GAD2: variants seen among roughly 807,000 people sequenced by gnomAD.
The protein encoded by GAD2 is 65 kDa glutamic acid decarboxylase.
Under a neutral mutation model 80.1 loss-of-function variants are expected in GAD2, and 22 were observed. The ratio of observed to expected loss-of-function variants is 0.27; its 90% CI spans 0.20 to 0.39. The LOEUF (loss-of-function observed/expected upper bound fraction) is 0.39. Ranked by LOEUF, GAD2 falls within the 10% of genes least tolerant of loss-of-function variation. GAD2 has a pLI of 1.00. For synonymous variants in GAD2, 274 were observed against 256.9 expected, an observed-to-expected ratio of 1.07 and a Z score of -0.64; for missense variants, 624 against 738.4, an observed-to-expected ratio of 0.85 and a Z score of 1.80.
chr10:26,271,298 T>G (rs1238094498), intron 10 of GAD2, among the ~76,000 whole-genome samples: 1 of 152,164 alleles, frequency 6.6e-6, no homozygotes, highest in Admixed American at 6.5e-5. Flanking sequence ...GAAGATAGAT[T>G]ATATTTGAAA....
chr10:26,276,249 A>G (rs1314891232), intron 11 of GAD2, among the ~76,000 whole-genome samples: 2 of 152,126 alleles, frequency 1.3e-5, no homozygotes, highest in African/African-American at 4.8e-5. Flanking sequence ...GAACCAACCA[A>G]ATTCTCAGAA....
intron 7 of GAD2, among the ~76,000 whole-genome samples, chr10:26,240,037 G>C (rs752211119): frequency 3.9e-5 from 6 of 152,198 alleles, no homozygotes; most frequent in Non-Finnish European, 8.8e-5. Context: ...TTAAATATTT[G>C]GATGAAATCA....
intron 11 of GAD2, among the ~76,000 whole-genome samples, chr10:26,275,716 G>A (rs1055394272): frequency 3.3e-5 from 5 of 152,334 alleles, no homozygotes; most frequent in South Asian, 2.1e-4. Context: ...AAAGAAATGT[G>A]TCTCACTTAG....
At chr10:26,264,527 G>T (rs1025956257) in intron 8 of GAD2, among the ~76,000 whole-genome samples, 1 of 151,968 alleles carries the variant, frequency 6.6e-6, no homozygotes, top group Non-Finnish European at 1.5e-5. Flanking sequence ...AGCCAGGATG[G>T]TCTCGATCTC....
intron 8 of GAD2, among the ~76,000 whole-genome samples, chr10:26,258,615 C>T (rs1479517226): frequency 6.6e-6 from 1 of 152,188 alleles, no homozygotes; most frequent in Admixed American, 6.5e-5. Context: ...GTACCTCACT[C>T]ACATGAATGG....
chr10:26,226,461 G>A (rs1277349474), intron 6 of GAD2, among the ~76,000 whole-genome samples: 1 of 152,218 alleles, frequency 6.6e-6, no homozygotes, highest in African/African-American at 2.4e-5. Context: ...GTGCAGTGCA[G>A]ACATTGCAAA....
chr10:26,296,733 A>G (rs1386194317), intron 15 of GAD2, among the ~76,000 whole-genome samples: 1 of 151,906 alleles, frequency 6.6e-6, no homozygotes, highest in East Asian at 1.9e-4. Context: ...TTTATTCTTG[A>G]TCATTATCTG....
chr10:26,269,597 A>G (rs1845111083), intron 9 of GAD2, among the ~76,000 whole-genome samples: 1 of 152,198 alleles, frequency 6.6e-6, no homozygotes. Flanking sequence ...CAGACGTCTT[A>G]TTTTGCAGGA....
At chr10:26,260,247 T>G (rs1373726870) in intron 8 of GAD2, among the ~76,000 whole-genome samples, 1 of 152,236 alleles carries the variant, frequency 6.6e-6, no homozygotes, top group African/African-American at 2.4e-5. Context: ...TGTTAAACAT[T>G]AAGTTGCTTT....
chr10:26,233,445 C>T (rs889320710), intron 7 of GAD2, among the ~76,000 whole-genome samples: 18 of 152,118 alleles, frequency 1.2e-4, no homozygotes, highest in African/African-American at 2.9e-4. Flanking sequence ...CATTTAAAGC[C>T]GTCCTGCATC....
rs1267097423 is a variant in GAD2 at position 26,224,520 on chromosome 10, G to A, written c.612-19G>A. 2 of 1,380,164 alleles carry A rather than the reference G, an allele frequency of 1.4e-6. No homozygotes were observed. The highest frequency in any genetic ancestry group is 2.3e-5 in the South Asian group (2 of 86,194). The allele number at this position is 1,380,164 out of a possible 1,614,324, so 85.5% of individuals were successfully genotyped here. ...TATCTGAGTTACAGAGGTAAAATGT[G>A]GCCATTACTACATTTCAGGTTCACC... On this transcript the variant is annotated intron_variant, in intron 5 of 15. Coordinates refer to ENST00000376261, the MANE Select transcript of GAD2 (RefSeq NM_001134366.2).
At chr10:26,263,568 A>C (rs1845033709) in intron 8 of GAD2, among the ~76,000 whole-genome samples, 2 of 152,314 alleles carry the variant, frequency 1.3e-5, no homozygotes, top group South Asian at 4.1e-4. Context: ...TTTTTCCCCA[A>C]GTCAGTCTAT....
At chr10:26,276,075 A>G (rs1395362979) in intron 11 of GAD2, among the ~76,000 whole-genome samples, 1 of 152,132 alleles carries the variant, frequency 6.6e-6, no homozygotes, top group East Asian at 1.9e-4. Flanking sequence ...GTGAGGCAGG[A>G]GGATCACTGG....
intron 10 of GAD2, among the ~76,000 whole-genome samples, chr10:26,272,044 G>C (rs947480324): frequency 6.6e-6 from 1 of 152,208 alleles, no homozygotes; most frequent in East Asian, 1.9e-4. Flanking sequence ...ACAGGCAGGA[G>C]CCACCACACC....
chr10:26,273,599 A>G (rs1231105716), intron 10 of GAD2, 37 bp from the exon 11 acceptor site: 8 of 1,573,516 alleles, frequency 5.1e-6, no homozygotes, highest in African/African-American at 1.4e-5. Flanking sequence ...AGGCAATGAC[A>G]AACTGCTACC....
At chr10:26,228,566 C>T (rs1317046782) in intron 6 of GAD2, among the ~76,000 whole-genome samples, 2 of 152,118 alleles carry the variant, frequency 1.3e-5, no homozygotes, top group Non-Finnish European at 2.9e-5. Flanking sequence ...TACAGGTCTG[C>T]GGTCTATTAG....
At chr10:26,253,192 G>C (rs527995420) in intron 8 of GAD2, among the ~76,000 whole-genome samples, 1 of 152,226 alleles carries the variant, frequency 6.6e-6, no homozygotes, top group East Asian at 1.9e-4. Context: ...TTGATGTGAA[G>C]CATTATAACT....
intron 8 of GAD2, among the ~76,000 whole-genome samples, chr10:26,248,987 G>A (rs1024130525): frequency 6.6e-6 from 1 of 151,784 alleles, no homozygotes; most frequent in Non-Finnish European, 1.5e-5. Flanking sequence ...GCCAGTAGGA[G>A]GCCCTAGCAA....
At chr10:26,229,877 C>A (rs1421286701) in intron 7 of GAD2, 100 bp downstream of exon 7, 2 of 813,818 alleles carry the variant, frequency 2.5e-6, no homozygotes, top group Non-Finnish European at 4.0e-6. Flanking sequence ...GGCCCTCTTT[C>A]TGGAAGACAC....
Sources: gnomAD v4.1 joint callset for allele counts (sites outside exome capture counted in the v4.1 genomes callset) on GRCh38, gnomAD v4.1.1 for gene constraint, MANE v1.5 for transcripts, NCBI Gene and HGNC (gene_info 2026-07-23, HGNC 2026-07-21) for gene names.